ASCC3: variants seen among roughly 807,000 people sequenced by gnomAD.
The protein encoded by ASCC3 is ASC-1 complex subunit P200.
Under a neutral mutation model 256.3 loss-of-function variants are expected in ASCC3, and 158 were observed. The ratio of observed to expected loss-of-function variants is 0.62; its 90% confidence interval spans 0.54 to 0.70. The LOEUF is 0.70. ASCC3 is among the 30% of genes least tolerant of loss of function. The pLI is 0.00. For synonymous variants in ASCC3, 948 were observed against 883.4 expected, an observed-to-expected ratio of 1.07 and a Z score of -1.30; for missense variants, 2,259 against 2,626.0, an observed-to-expected ratio of 0.86 and a Z score of 3.05.
At chr6:100,727,469 T>C (rs1007604649) in intron 10 of ASCC3, among the ~76,000 whole-genome samples, 1 of 151,946 alleles carries the variant, frequency 6.6e-6, no homozygotes, top group South Asian at 2.1e-4. Context: ...TTGGTTCTTT[T>C]TTCCCCCACA....
At chr6:100,764,364 G>C (rs1562280243) in intron 10 of ASCC3, among the ~76,000 whole-genome samples, 1 of 152,118 alleles carries the variant, frequency 6.6e-6, no homozygotes, top group Non-Finnish European at 1.5e-5. Flanking sequence ...AAGATACTAA[G>C]AAAAAGGAGA....
At chr6:100,743,443 A>T (rs185805467) in intron 10 of ASCC3, among the ~76,000 whole-genome samples, 2 of 151,932 alleles carry the variant, frequency 1.3e-5, no homozygotes, top group East Asian at 3.9e-4. Flanking sequence ...CTGTCTCGTG[A>T]CTTCCCCATC....
At chr6:100,569,710 G>A (rs1453278237) in intron 36 of ASCC3, among the ~76,000 whole-genome samples, 1 of 152,176 alleles carries the variant, frequency 6.6e-6, no homozygotes, top group African/African-American at 2.4e-5. Flanking sequence ...TTGAAGTCAG[G>A]TAATGTGATG....
At chr6:100,610,064 A>G (rs1195027914) in intron 30 of ASCC3, among the ~76,000 whole-genome samples, 1 of 152,222 alleles carries the variant, frequency 6.6e-6, no homozygotes, top group Non-Finnish European at 1.5e-5. Context: ...TTGAGAAGAC[A>G]TGAGCACTGA....
At chr6:100,872,069 T>C (rs748735616) in intron 1 of ASCC3, among the ~76,000 whole-genome samples, 1 of 152,170 alleles carries the variant, frequency 6.6e-6, no homozygotes, top group African/African-American at 2.4e-5. Flanking sequence ...GCTCTGATAG[T>C]AAACTAAACA....
chr6:100,601,441 A>C (rs555175864), intron 34 of ASCC3, among the ~76,000 whole-genome samples: 1 of 151,888 alleles, frequency 6.6e-6, no homozygotes, highest in East Asian at 1.9e-4. Flanking sequence ...ATGCCCCACA[A>C]ATTTTTTTCC....
chr6:100,509,601 A>G, intron 41 of ASCC3, 68 bp from the exon 42 acceptor site: 1 of 1,491,350 alleles, frequency 6.7e-7, no homozygotes. Context: ...TAATTCTTTC[A>G]GAACTTTGGT....
intron 10 of ASCC3, among the ~76,000 whole-genome samples, chr6:100,765,669 C>T (rs899983993): frequency 6.6e-6 from 1 of 152,300 alleles, no homozygotes; most frequent in Non-Finnish European, 1.5e-5. Context: ...ACATTGAGCA[C>T]ATGTCATCAG....
chr6:100,776,559 GACTT>G (rs1782198166), intron 8 of ASCC3, among the ~76,000 whole-genome samples: 3 of 151,998 alleles, frequency 2.0e-5, no homozygotes, highest in African/African-American at 4.8e-5. Flanking sequence ...GAAATAAGAT[GACTT>G]ATTTATGAAA....
At chr6:100,568,848 G>A (rs1268419199) in intron 36 of ASCC3, among the ~76,000 whole-genome samples, 2 of 151,134 alleles carry the variant, frequency 1.3e-5, no homozygotes, top group Non-Finnish European at 2.9e-5. Context: ...CGCAATCTCA[G>A]CTCACTGCAA....
chr6:100,675,602 A>T (rs1168559287), intron 14 of ASCC3, among the ~76,000 whole-genome samples: 1 of 152,224 alleles, frequency 6.6e-6, no homozygotes, highest in Admixed American at 6.5e-5. Context: ...TCAGAAAATT[A>T]TACTTTAAAG....
At chr6:100,700,700 A>G (rs1467567356) in intron 13 of ASCC3, among the ~76,000 whole-genome samples, 1 of 152,220 alleles carries the variant, frequency 6.6e-6, no homozygotes, top group Non-Finnish European at 1.5e-5. Flanking sequence ...ATCATTTTGG[A>G]GGTTTAACAT....
At chr6:100,531,153 C>T (rs551552877) in intron 37 of ASCC3, 5 of 740,888 alleles carry the variant, frequency 6.7e-6, no homozygotes, top group East Asian at 5.1e-5. Flanking sequence ...TCAATTCTCA[C>T]AATTCAGACT....
At chr6:100,590,195 A>C in intron 34 of ASCC3, 136 bp from the exon 35 acceptor site, 10 of 682,778 alleles carry the variant, frequency 1.5e-5, no homozygotes, top group East Asian at 2.7e-5. Flanking sequence ...CACAAAACTC[A>C]CAGAAATATT....
intron 37 of ASCC3, among the ~76,000 whole-genome samples, chr6:100,533,560 T>C (rs989611956): frequency 1.3e-5 from 2 of 152,280 alleles, no homozygotes; most frequent in East Asian, 3.9e-4. Context: ...GAAAAAAAAC[T>C]TTCCCAAACT....
chr6:100,570,316 G>C (rs1384120185), intron 36 of ASCC3, among the ~76,000 whole-genome samples: 1 of 152,072 alleles, frequency 6.6e-6, no homozygotes, highest in Non-Finnish European at 1.5e-5. Flanking sequence ...TTCCAGTACT[G>C]TGTTAAACAG....
chr6:100,871,599 C>T (rs1248761476), intron 1 of ASCC3, among the ~76,000 whole-genome samples: 1 of 152,100 alleles, frequency 6.6e-6, no homozygotes, highest in Admixed American at 6.5e-5. Flanking sequence ...AGACCCCCAA[C>T]TCTACAAAAA....
chr6:100,611,866 T>TAA (rs34931211), intron 30 of ASCC3, among the ~76,000 whole-genome samples: 43 of 148,988 alleles, frequency 2.9e-4, no homozygotes, highest in Middle Eastern at 3.4e-3. Context: ...GCTATAGAAT[T>TAA]AAAAAAAAAA....
chr6:100,765,404 TAAG>T (rs1189895505), intron 10 of ASCC3, among the ~76,000 whole-genome samples: 2 of 152,162 alleles, frequency 1.3e-5, no homozygotes, highest in Non-Finnish European at 2.9e-5. Flanking sequence ...TTAAGTCTGA[TAAG>T]AAACATTTAC....
Sources: gnomAD v4.1 joint callset for allele counts (sites outside exome capture counted in the v4.1 genomes callset) on GRCh38, gnomAD v4.1.1 for gene constraint, MANE v1.5 for transcripts, NCBI Gene and HGNC (gene_info 2026-07-23, HGNC 2026-07-21) for gene names.